Variants in NIN observed in about 807,000 individuals in gnomAD.
NIN encodes glycogen synthase kinase 3 beta-interacting protein.
NIN carries 137 observed loss-of-function variants against 257.6 expected under a neutral mutation model. The observed-to-expected ratio is 0.53, with a 90% CI of 0.46 to 0.61. The LOEUF (loss-of-function observed/expected upper bound fraction) is 0.61. NIN is among the 20% of genes least tolerant of loss of function. The probability of loss-of-function intolerance (pLI) is 0.00; values close to 1 mark genes in which losing one functional copy is unlikely to be tolerated. For synonymous variants in NIN, 918 were observed against 919.8 expected (o/e 1.00, Z 0.04); for missense variants, 2,439 against 2,501.2 (o/e 0.98, Z 0.53).
chr14:50,749,763 C>T (rs1426151038), intron 21 of NIN, among the ~76,000 whole-genome samples: 1 of 152,112 alleles, frequency 6.6e-6, no homozygotes, highest in Non-Finnish European at 1.5e-5. Context: ...AATCTTGGCT[C>T]ACTGCAGCCT....
In NIN at chr14:50,815,099, C is replaced by A. The variant is rs376442011; in HGVS notation, c.183+6775G>T. Among the ~76,000 whole-genome samples the A allele has an allele frequency of 3.7e-4, 56 of 152,272 alleles. 1 individual carries two copies. In the East Asian group the frequency reaches 7.7e-3, roughly 21 times the overall value. ...CAAAATAATCTATCATTAGAGTGAA[C>A]AGACAACCTACAGAATAGGAGAAAA... On this transcript the variant is annotated intron_variant, in intron 3 of 30. Coordinates refer to ENST00000530997, the MANE Select transcript of NIN (RefSeq NM_020921.4).
chr14:50,738,647 G>T (rs979852384), intron 26 of NIN, among the ~76,000 whole-genome samples: 2 of 152,202 alleles, frequency 1.3e-5, no homozygotes, highest in Admixed American at 1.3e-4. Flanking sequence ...TGGGCTGACA[G>T]TTCCCATCTG....
intron 7 of NIN, 144 bp from the exon 8 acceptor site, chr14:50,773,239 G>T: frequency 1.8e-6 from 1 of 551,842 alleles, no homozygotes; most frequent in Non-Finnish European, 3.1e-6. Flanking sequence ...CACTTTACTG[G>T]TTTCCCTTTC....
At chr14:50,830,686 G>A in intron 1 of NIN, 169 bp from the exon 2 acceptor site, 1 of 163,208 alleles carries the variant, frequency 6.1e-6, no homozygotes. Context: ...CGGCTCTCGG[G>A]GGCCGCGGGC....
chr14:50,823,452 G>A (rs937366926), intron 2 of NIN: 1 of 312,684 alleles, frequency 3.2e-6, no homozygotes, highest in East Asian at 6.9e-5. Flanking sequence ...CATGAAAAAC[G>A]TAAGCTAAGA....
intron 15 of NIN, among the ~76,000 whole-genome samples, chr14:50,762,318 T>C (rs530271290): frequency 5.9e-5 from 9 of 152,202 alleles, no homozygotes; most frequent in Admixed American, 2.0e-4. Flanking sequence ...TGAATGACGA[T>C]GTGGCAGGAA....
At chr14:50,818,090 G>C (rs1227096507) in intron 3 of NIN, among the ~76,000 whole-genome samples, 3 of 151,598 alleles carry the variant, frequency 2.0e-5, no homozygotes, top group Admixed American at 6.6e-5. Context: ...TTGGGAGGCC[G>C]AGGTGGGCGG....
Position 50,743,534 on chromosome 14 carries a change from T to G in NIN, c.5188-5A>C, listed in dbSNP as rs1157928245. ...TAAAAGACTTGATTTTGCCAACTGT[T>G]TCAGGAAGGGAAAAAGAGGTAAGAG... On this transcript the variant is annotated splice_region_variant and splice_polypyrimidine_tract_variant and intron_variant, in intron 23 of 30. Transcript: ENST00000530997. The G allele has an allele frequency of 1.3e-6, 2 of 1,598,654 alleles. No individual in the cohort carries two copies. Among genetic ancestry groups the G allele is most frequent in the African/African-American group, 2.7e-5 (2 of 74,606 alleles).
intron 18 of NIN, among the ~76,000 whole-genome samples, chr14:50,756,094 A>C (rs575135986): frequency 1.8e-4 from 28 of 152,248 alleles, no homozygotes; most frequent in Non-Finnish European, 3.5e-4. Context: ...AATAATACAC[A>C]AAAAATCATT....
intron 27 of NIN, among the ~76,000 whole-genome samples, chr14:50,735,955 T>C (rs1255192763): frequency 6.6e-6 from 1 of 152,192 alleles, no homozygotes; most frequent in African/African-American, 2.4e-5. Flanking sequence ...CCATGGACCA[T>C]GTACTCTGAT....
Position 50,726,706 on chromosome 14 carries a change from C to T in NIN, c.6079-640G>A, listed in dbSNP as rs116063610. Among the ~76,000 whole-genome samples, 1,228 of 152,224 alleles carry T rather than the reference C, an allele frequency of 8.1e-3. 18 individuals are homozygous for T. Among genetic ancestry groups the T allele is most frequent in the African/African-American group, 0.027 (1,136 of 41,522 alleles). On this transcript the variant is annotated intron_variant, in intron 29 of 30. Transcript: ENST00000530997. Reference sequence around the variant, plus strand: ...TGAAAAATCTCCTGTTCTCACACAACGGTGATGGGTTAAGGAGTAAGTGAG... The same window carrying T: ...TGAAAAATCTCCTGTTCTCACACAATGGTGATGGGTTAAGGAGTAAGTGAG...
chr14:50,826,315 G>A (rs146289006), intron 2 of NIN, among the ~76,000 whole-genome samples: 127 of 152,222 alleles, frequency 8.3e-4, no homozygotes, highest in African/African-American at 2.9e-3. Flanking sequence ...TGACTCTTTC[G>A]GAATGAAAGA....
chr14:50,753,305 C>T (rs2041876660), intron 20 of NIN, among the ~76,000 whole-genome samples: 1 of 152,214 alleles, frequency 6.6e-6, no homozygotes, highest in Non-Finnish European at 1.5e-5. Context: ...GAGGCTGAGA[C>T]AGGAGAATCG....
intron 3 of NIN, among the ~76,000 whole-genome samples, chr14:50,820,703 T>G (rs936523962): frequency 6.6e-6 from 1 of 150,848 alleles, no homozygotes; most frequent in African/African-American, 2.4e-5. Flanking sequence ...CAGCTAACCC[T>G]CCCCCCGCCA....
intron 4 of NIN, among the ~76,000 whole-genome samples, chr14:50,800,364 T>G (rs1188947849): frequency 6.6e-6 from 1 of 152,204 alleles, no homozygotes; most frequent in Admixed American, 6.5e-5. Context: ...AGTATATCAG[T>G]TGAACAACCC....
chr14:50,810,230 C>CAAAAA, intron 3 of NIN, among the ~76,000 whole-genome samples: 1 of 73,088 alleles, frequency 1.4e-5, no homozygotes, highest in South Asian at 4.5e-4. Flanking sequence ...GACTCCGTCT[C>CAAAAA]AAAAAAAAAA....
chr14:50,753,449 A>G lies in NIN; in HGVS notation c.4735-716T>C, dbSNP rs536968154. Among the ~76,000 whole-genome samples, 4 of 152,328 alleles carry G rather than the reference A, an allele frequency of 2.6e-5. No individual in the cohort carries two copies. The East Asian group carries it at 7.7e-4, about 29-fold the overall frequency. On this transcript the variant is annotated intron_variant, in intron 20 of 30. Coordinates refer to ENST00000530997, the MANE Select transcript of NIN (RefSeq NM_020921.4). ...AGTCAGTGTGTTCAGCAACCACCAC[A>G]TACTACTTTTTACTGGCTATAGGAT...
intron 20 of NIN, among the ~76,000 whole-genome samples, chr14:50,753,071 G>A (rs1210825980): frequency 6.6e-6 from 1 of 152,184 alleles, no homozygotes; most frequent in Non-Finnish European, 1.5e-5. Context: ...GAAATTTTAT[G>A]TTTGGACAGC....
rs369292594 is a variant in NIN, at chr14:50,773,060, G to A, written c.702C>T (p.Asp234=). The change falls in exon 8 of 31, where the codon GAC becomes GAT. Residue 234 remains aspartate, a synonymous_variant. Coordinates refer to ENST00000530997, the MANE Select transcript of NIN (RefSeq NM_020921.4). ...AAAAATCTTCTACACTCATTGTACC[G>A]TCAGGATCAAGATTATGGAATACTT... ...LEEVFHNLDP[D]GTMSVEDFFY... The A allele has an allele frequency of 1.0e-4, 164 of 1,612,042 alleles. No homozygotes were observed. Among genetic ancestry groups the A allele is most frequent in the East Asian group, 8.9e-4 (40 of 44,848 alleles).
Sources: allele counts gnomAD v4.1 joint callset (sites outside exome capture counted in the v4.1 genomes callset), GRCh38; gene constraint gnomAD v4.1.1; transcripts MANE v1.5; gene names NCBI Gene and HGNC (gene_info 2026-07-23, HGNC 2026-07-21).